Variants in SMAD7 observed in about 807,000 individuals in gnomAD.
SMAD7 encodes the protein SMAD family member 7.
A neutral mutation model predicts 38.7 loss-of-function variants in SMAD7; 8 were observed. The observed-to-expected ratio is 0.21, with a 90% CI of 0.12 to 0.37. SMAD7 has a LOEUF of 0.37. SMAD7 is among the 10% of genes least tolerant of loss of function. The probability of loss-of-function intolerance (pLI) is 1.00; values close to 1 mark genes in which losing one functional copy is unlikely to be tolerated. For synonymous variants in SMAD7, 327 were observed against 265.1 expected, an observed-to-expected ratio of 1.23 and a Z score of -2.27; for missense variants, 477 against 577.9, an observed-to-expected ratio of 0.83 and a Z score of 1.79.
At chr18:48,947,125 C>G (rs188319327) in intron 2 of SMAD7, among the ~76,000 whole-genome samples, 344 of 152,292 alleles carry the variant, frequency 2.3e-3, no homozygotes, top group African/African-American at 7.8e-3. Context: ...GTTACAAATA[C>G]AGAGAGCTGG....
At chr18:48,930,360 C>T (rs1395438396) in intron 3 of SMAD7, among the ~76,000 whole-genome samples, 1 of 152,158 alleles carries the variant, frequency 6.6e-6, no homozygotes, top group Non-Finnish European at 1.5e-5. Flanking sequence ...GCCCCCACTC[C>T]CTCTGGCGGG....
At chr18:48,949,076 G>A (rs751784652) in intron 1 of SMAD7, among the ~76,000 whole-genome samples, 1 of 152,250 alleles carries the variant, frequency 6.6e-6, no homozygotes, top group Non-Finnish European at 1.5e-5. Context: ...CCCCAGCGCA[G>A]TAAGAGGCGA....
At chr18:48,923,473 T>C (rs1476391850) in intron 3 of SMAD7, among the ~76,000 whole-genome samples, 1 of 151,910 alleles carries the variant, frequency 6.6e-6, no homozygotes, top group Non-Finnish European at 1.5e-5. Context: ...ACTCAGTTGT[T>C]GTTGTTGTTG....
At chr18:48,942,959 C>T (rs571263221) in intron 2 of SMAD7, among the ~76,000 whole-genome samples, 1 of 152,344 alleles carries the variant, frequency 6.6e-6, no homozygotes, top group East Asian at 1.9e-4. Flanking sequence ...CCCATGTCCT[C>T]TCTGCCTTCA....
intron 3 of SMAD7, among the ~76,000 whole-genome samples, chr18:48,928,417 C>A (rs2069954136): frequency 1.3e-5 from 2 of 152,162 alleles, no homozygotes; most frequent in Admixed American, 6.5e-5. Flanking sequence ...AGGTTTGAGT[C>A]AGGTTTTGCT....
chr18:48,929,569 T>TCTCTCACACACACACACACA (rs3082710), intron 3 of SMAD7, among the ~76,000 whole-genome samples: 2,866 of 114,440 alleles, frequency 0.025, 125 homozygotes, highest in South Asian at 0.1. Context: ...TCTCTCTCTC[T>TCTCTCACACACACACACACA]CACTCACACA....
chr18:48,921,753 C>A lies in SMAD7; in HGVS notation c.900G>T (p.Gln300His). The change falls in exon 4 of 4, where the codon CAG becomes CAT. Residue 300 changes from glutamine to histidine, a missense_variant. Physicochemically the swap from Gln to His is conservative, Grantham distance 24. This residue lies in a region of SMAD7 where 101 missense variants were observed against 198.5 expected (regional missense o/e 0.51). Coordinates refer to ENST00000262158, the MANE Select transcript of SMAD7 (RefSeq NM_005904.4). This position sits in a 1 kb window ranked among gnomAD's most constrained non-coding sequence, Gnocchi z 6.4. ...GCTGACTCTTGTTGTCCGAATTGAG[C>A]TGTCCGAGGCAAAAGCCATTCCCCT... ...LPQGNGFCLG[Q>H]LNSDNKSQLV... The A allele has an allele frequency of 6.2e-7, 1 of 1,614,182 alleles. No homozygotes were observed. Among genetic ancestry groups the A allele is most frequent in the Non-Finnish European group, 8.5e-7 (1 of 1,180,044 alleles).
chr18:48,932,908 A>G (rs2070019504), intron 3 of SMAD7, among the ~76,000 whole-genome samples: 1 of 152,182 alleles, frequency 6.6e-6, no homozygotes, highest in Non-Finnish European at 1.5e-5. Flanking sequence ...TCTGGCTGTC[A>G]AGACATTAGA....
At chr18:48,933,753 CG>C (rs1392031727) in intron 3 of SMAD7, 1 of 152,308 alleles carries the variant, frequency 6.6e-6, no homozygotes, top group Non-Finnish European at 1.5e-5. Context: ...AGGCCGGCGC[CG>C]GCCCACCAAC....
chr18:48,924,948 T>C (rs2069908575), intron 3 of SMAD7, among the ~76,000 whole-genome samples: 2 of 152,204 alleles, frequency 1.3e-5, no homozygotes, highest in African/African-American at 4.8e-5. Flanking sequence ...TCCCCGCCAT[T>C]TGGGCTCATT....
At chr18:48,937,714 G>A (rs911134463) in intron 3 of SMAD7, among the ~76,000 whole-genome samples, 1 of 152,172 alleles carries the variant, frequency 6.6e-6, no homozygotes, top group Non-Finnish European at 1.5e-5. Context: ...GGCAGAAGGT[G>A]TCCCCTGAGT....
chr18:48,938,294 A>C (rs61580530), intron 3 of SMAD7, among the ~76,000 whole-genome samples: 4,314 of 152,222 alleles, frequency 0.028, 214 homozygotes, highest in African/African-American at 0.098. Context: ...AGACTTGGGG[A>C]CTAGTAGCCA....
intron 1 of SMAD7, chr18:48,949,130 T>A (rs1056471616): frequency 3.4e-5 from 7 of 208,080 alleles, no homozygotes; most frequent in Non-Finnish European, 5.0e-5. Context: ...TACAGACTTA[T>A]CTGTGCGGAA....
intron 1 of SMAD7, among the ~76,000 whole-genome samples, chr18:48,948,657 C>T (rs933342046): frequency 2.0e-5 from 3 of 152,258 alleles, no homozygotes; most frequent in Admixed American, 2.0e-4. Flanking sequence ...CGTCTGCGGC[C>T]GCAGCCGCCG....
chr18:48,923,296 AACTGGGTTC>A (rs2069885986), intron 3 of SMAD7, among the ~76,000 whole-genome samples: 1 of 152,114 alleles, frequency 6.6e-6, no homozygotes, highest in East Asian at 1.9e-4. Flanking sequence ...TTTCTGGAGT[AACTGGGTTC>A]AGAGTCAATG....
intron 2 of SMAD7, among the ~76,000 whole-genome samples, chr18:48,947,904 CT>C (rs1411901250): frequency 3.7e-5 from 5 of 134,868 alleles, no homozygotes; most frequent in South Asian, 2.6e-4. Context: ...CCCCCCCCCC[CT>C]TTTACTGGCT....
chr18:48,948,225 C>T (rs1262155379), intron 2 of SMAD7, among the ~76,000 whole-genome samples, 159 bp downstream of exon 2: 1 of 152,190 alleles, frequency 6.6e-6, no homozygotes, highest in Non-Finnish European at 1.5e-5. Context: ...AAAACCCAGC[C>T]ACAACAGAAA....
intron 3 of SMAD7, among the ~76,000 whole-genome samples, chr18:48,931,511 T>C (rs1461570784): frequency 6.6e-6 from 1 of 151,968 alleles, no homozygotes. Context: ...CTGAACAGAG[T>C]CCTCAGCTTT....
intron 2 of SMAD7, among the ~76,000 whole-genome samples, chr18:48,946,144 G>T (rs1301728309): frequency 6.6e-6 from 1 of 152,154 alleles, no homozygotes. Context: ...TTCCTAAGAT[G>T]GAGACTTCAC....
Sources: gnomAD v4.1 joint callset for allele counts (sites outside exome capture counted in the v4.1 genomes callset) on GRCh38, gnomAD v4.1.1 for gene constraint, gnomAD v4.1.1 regional missense constraint, Gnocchi (gnomAD v3.1) non-coding constraint, MANE v1.5 for transcripts, NCBI Gene and HGNC (gene_info 2026-07-23, HGNC 2026-07-21) for gene names.